Variants in CCDC6 observed in about 807,000 individuals in gnomAD.
The protein encoded by CCDC6 is coiled-coil domain containing 6.
In CCDC6, 20 loss-of-function variants were observed where a neutral mutation model predicts 56.6. The ratio of observed to expected loss-of-function variants is 0.35; its 90% CI spans 0.25 to 0.51. The LOEUF (loss-of-function observed/expected upper bound fraction) is 0.51. Ranked by LOEUF, CCDC6 falls within the 20% of genes least tolerant of loss-of-function variation. The pLI is 0.95. For missense variants in CCDC6, 367 were observed against 601.1 expected (o/e 0.61, Z 4.07); for synonymous variants, 241 against 234.4 (o/e 1.03, Z -0.26).
intron 1 of CCDC6, among the ~76,000 whole-genome samples, chr10:59,876,366 A>T (rs1309165940): frequency 6.6e-6 from 1 of 151,822 alleles, no homozygotes; most frequent in Non-Finnish European, 1.5e-5. Flanking sequence ...TCATTTTTTT[A>T]AAAATCACTG....
chr10:59,901,179 G>A (rs1380643046), intron 1 of CCDC6, among the ~76,000 whole-genome samples: 1 of 152,190 alleles, frequency 6.6e-6, no homozygotes. Flanking sequence ...GCCTCTTTAA[G>A]AAGACTTGTG....
At chr10:59,874,123 ACACACACACACACACACACACG>A (rs2132670570) in intron 1 of CCDC6, among the ~76,000 whole-genome samples, 1 of 143,748 alleles carries the variant, frequency 7.0e-6, no homozygotes, top group South Asian at 2.1e-4. Flanking sequence ...TAGCAAACAC[ACACACACACACACACACACACG>A]CACACACCCC....
intron 2 of CCDC6, among the ~76,000 whole-genome samples, chr10:59,841,831 C>A (rs61848700): frequency 0.19 from 28,540 of 151,556 alleles, 3,486 homozygotes; most frequent in Middle Eastern, 0.29. Context: ...CCACGCCCGG[C>A]TAATTTTTTG....
chr10:59,811,654 C>T (rs953482959), intron 5 of CCDC6, among the ~76,000 whole-genome samples: 2 of 151,942 alleles, frequency 1.3e-5, no homozygotes, highest in East Asian at 3.9e-4. Context: ...CCTGTGAATC[C>T]CAAGTATACC....
In CCDC6 at chr10:59,857,450, T is replaced by C. The variant is rs544133037; in HGVS notation, c.304-4748A>G. Among the ~76,000 whole-genome samples, 3 of 152,318 alleles carry C rather than the reference T, an allele frequency of 2.0e-5. No individual in the cohort carries two copies. The South Asian group carries it at 6.2e-4, about 32-fold the overall frequency. The stretch of plus-strand genomic sequence containing the variant: ...TGGCGTTTTGGAGATCAAGGGTTAG[T>C]ACAGAAAGAATTTTAAAACCCTTCA... On this transcript the variant is annotated intron_variant, in intron 1 of 8. Coordinates refer to ENST00000263102, the MANE Select transcript of CCDC6 (RefSeq NM_005436.5).
intron 1 of CCDC6, among the ~76,000 whole-genome samples, chr10:59,896,511 A>G (rs1271863172): frequency 3.3e-5 from 5 of 152,204 alleles, no homozygotes; most frequent in Non-Finnish European, 5.9e-5. Flanking sequence ...TCAACACTTA[A>G]GGTCCAAATT....
At chr10:59,848,917 G>A (rs2071015723) in intron 2 of CCDC6, among the ~76,000 whole-genome samples, 1 of 152,072 alleles carries the variant, frequency 6.6e-6, no homozygotes, top group East Asian at 1.9e-4. Flanking sequence ...GTCTCGCCAT[G>A]TTGGCCAGGC....
chr10:59,889,370 A>C (rs1045913640), intron 1 of CCDC6, among the ~76,000 whole-genome samples: 21 of 152,168 alleles, frequency 1.4e-4, no homozygotes, highest in African/African-American at 5.1e-4. Context: ...GGGATGCTAC[A>C]AGTCAGCCTG....
chr10:59,902,093 G>A (rs2071507303), intron 1 of CCDC6, among the ~76,000 whole-genome samples: 1 of 152,180 alleles, frequency 6.6e-6, no homozygotes, highest in Non-Finnish European at 1.5e-5. Context: ...CAGGTGCACT[G>A]GGCGCTTGTG....
At chr10:59,812,523 T>C (rs916173143) in intron 5 of CCDC6, 112 bp downstream of exon 5, 9 of 718,660 alleles carry the variant, frequency 1.3e-5, no homozygotes, top group African/African-American at 3.6e-5. Context: ...ATCAGTAATA[T>C]ATGAATTTAA....
At chr10:59,884,193 T>A (rs540289630) in intron 1 of CCDC6, among the ~76,000 whole-genome samples, 2 of 152,214 alleles carry the variant, frequency 1.3e-5, no homozygotes, top group African/African-American at 4.8e-5. Context: ...AAAATAAAGG[T>A]AAGTAACATG....
intron 1 of CCDC6, among the ~76,000 whole-genome samples, chr10:59,867,671 C>T (rs1234422184): frequency 6.6e-6 from 1 of 152,134 alleles, no homozygotes; most frequent in African/African-American, 2.4e-5. Context: ...TTCCCACCTC[C>T]GCCTCCGGAG....
rs1336552265 is a variant in CCDC6, at chr10:59,791,534, T to C, written c.*1383A>G. 5.1e-6 allele frequency: 1 copy of C among 195,254 alleles called. No individual in the cohort carries two copies. The highest frequency in any genetic ancestry group is 1.1e-5 in the Non-Finnish European group (1 of 93,710). The allele number at this position is 195,254 out of a possible 1,614,324, so 12.1% of individuals were successfully genotyped here. ...TCACAAAACATGGACTCTTAAAAAT[T>C]ACTGATAAATTACTTTTCAGTTCTC... On this transcript the variant is annotated 3_prime_UTR_variant, in exon 9 of 9. Coordinates refer to ENST00000263102, the MANE Select transcript of CCDC6 (RefSeq NM_005436.5).
At chr10:59,811,378 A>G (rs1322990871) in intron 5 of CCDC6, among the ~76,000 whole-genome samples, 1 of 152,190 alleles carries the variant, frequency 6.6e-6, no homozygotes, top group Non-Finnish European at 1.5e-5. Flanking sequence ...CCTGGAATCT[A>G]TCCTGAAGGT....
At chr10:59,875,987 G>C (rs181554974) in intron 1 of CCDC6, among the ~76,000 whole-genome samples, 1 of 147,634 alleles carries the variant, frequency 6.8e-6, no homozygotes, top group Non-Finnish European at 1.5e-5. Flanking sequence ...AAAAAATAAC[G>C]GTTGTTAAAA....
intron 7 of CCDC6, among the ~76,000 whole-genome samples, chr10:59,798,719 A>G (rs2070545338): frequency 6.6e-6 from 1 of 152,162 alleles, no homozygotes; most frequent in East Asian, 1.9e-4. Context: ...AGTGGGCTGG[A>G]CGTGGTGGCT....
At chr10:59,805,906 T>C (rs1053460856) in intron 6 of CCDC6, among the ~76,000 whole-genome samples, 2 of 152,274 alleles carry the variant, frequency 1.3e-5, no homozygotes, top group East Asian at 1.9e-4. Flanking sequence ...CATTCCATAA[T>C]AGAAACAGAG....
intron 1 of CCDC6, among the ~76,000 whole-genome samples, chr10:59,890,750 A>G (rs1454650514): frequency 6.6e-6 from 1 of 151,566 alleles, no homozygotes; most frequent in Non-Finnish European, 1.5e-5. Context: ...TTATTATTAT[A>G]CTTTAAGTTC....
chr10:59,867,461 AGGCTTCATATGTATGATAAAACCGC>A (rs1329240400), intron 1 of CCDC6, among the ~76,000 whole-genome samples: 3 of 152,210 alleles, frequency 2.0e-5, no homozygotes, highest in African/African-American at 7.2e-5. Flanking sequence ...GCTACTTTGG[AGGCTTCATATGTATGATAAAACCGC>A]AGTCTCCACA....
Sources: gnomAD v4.1 joint callset for allele counts (sites outside exome capture counted in the v4.1 genomes callset) on GRCh38, gnomAD v4.1.1 for gene constraint, MANE v1.5 for transcripts, NCBI Gene and HGNC (gene_info 2026-07-23, HGNC 2026-07-21) for gene names.